The following NDUFA9 variants were observed in gnomAD, a reference collection of about 807,000 sequenced individuals.
The protein encoded by NDUFA9 is NADH:ubiquinone oxidoreductase subunit A9.
In NDUFA9, 23 loss-of-function variants were observed where a neutral mutation model predicts 45.9. That is an observed-to-expected ratio of 0.50 (90% CI 0.36 to 0.71). The LOEUF (loss-of-function observed/expected upper bound fraction) is 0.71, where lower values mean the gene tolerates loss of function less well. Ranked by LOEUF, NDUFA9 falls within the 30% of genes least tolerant of loss-of-function variation. The probability of loss-of-function intolerance (pLI) is 0.00; values close to 1 mark genes in which losing one functional copy is unlikely to be tolerated. For missense variants in NDUFA9, 466 were observed against 488.2 expected (o/e 0.95, Z 0.43); for synonymous variants, 176 against 170.5 (o/e 1.03, Z -0.25).
At chr12:4,678,410 A>T (rs1448051991) in intron 8 of NDUFA9, among the ~76,000 whole-genome samples, 5 of 152,134 alleles carry the variant, frequency 3.3e-5, no homozygotes, top group Non-Finnish European at 7.4e-5. Context: ...TACCTATGGC[A>T]TCAAAAGCCT....
At chr12:4,682,373 T>C in intron 9 of NDUFA9, 73 bp downstream of exon 9, 1 of 1,035,464 alleles carries the variant, frequency 9.7e-7, no homozygotes, top group Non-Finnish European at 1.4e-6. Context: ...TGTTCTCCCT[T>C]AGGGTTATAG....
intron 5 of NDUFA9, among the ~76,000 whole-genome samples, chr12:4,661,219 T>C (rs1945821448): frequency 6.6e-6 from 1 of 152,152 alleles, no homozygotes; most frequent in South Asian, 2.1e-4. Flanking sequence ...TTTGTAGATT[T>C]AGTGGTGAGA....
Position 4,692,154 on chromosome 12 carries a change from G to C in NDUFA9, c.*5046G>C, listed in dbSNP as rs1946021754. The C allele has an allele frequency of 6.6e-6, 1 of 152,164 alleles. No individual in the cohort carries two copies. Among genetic ancestry groups the C allele is most frequent in the South Asian group, 2.1e-4 (1 of 4,826 alleles). The allele number at this position is 152,164 out of a possible 1,614,324, so 9.4% of individuals were successfully genotyped here. On this transcript the variant is annotated 3_prime_UTR_variant, in exon 11 of 11. Coordinates refer to ENST00000266544, the MANE Select transcript of NDUFA9 (RefSeq NM_005002.5). ...GTCAGGTGCCTAATATTGGTGATGT[G>C]GTTTGGATGTCCCCACCCAAATCTC...
rs1025533985 is a variant in NDUFA9 at position 4,688,117 on chromosome 12, T to C, written c.*1009T>C. 1 of 152,260 alleles carries C rather than the reference T, an allele frequency of 6.6e-6. No individual in the cohort carries two copies. The highest frequency in any genetic ancestry group is 6.6e-5 in the Admixed American group (1 of 15,266). The allele number at this position is 152,260 out of a possible 1,614,324, so 9.4% of individuals were successfully genotyped here. ...TCAGAATCTTTTTATCCCAAAACGGTCAACAGTGAGCTACTCCAAGTGTGG... is the reference window on the plus strand; with the variant it reads ...TCAGAATCTTTTTATCCCAAAACGGCCAACAGTGAGCTACTCCAAGTGTGG... On this transcript the variant is annotated 3_prime_UTR_variant, in exon 11 of 11. Transcript: ENST00000266544.
At chr12:4,653,395 C>CA (rs1056213888) in intron 1 of NDUFA9, 4 of 281,126 alleles carry the variant, frequency 1.4e-5, no homozygotes, top group African/African-American at 9.1e-5. Context: ...TAGAATGGCT[C>CA]AAAGCAGAAT....
intron 8 of NDUFA9, among the ~76,000 whole-genome samples, chr12:4,675,946 C>A (rs776140496): frequency 1.3e-5 from 2 of 152,090 alleles, no homozygotes; most frequent in Non-Finnish European, 2.9e-5. Flanking sequence ...TTATCCAGCA[C>A]GATAAAGTTG....
In NDUFA9 at chr12:4,691,814, G is replaced by T. The variant is rs951953137; in HGVS notation, c.*4706G>T. The T allele has an allele frequency of 2.2e-4, 3 of 13,862 alleles. No homozygotes were observed. The highest frequency in any genetic ancestry group is 6.0e-4 in the East Asian group (1 of 1,676). 0.9% of individuals were successfully genotyped at this position (13,862 alleles called of 1,614,324 possible). On this transcript the variant is annotated 3_prime_UTR_variant, in exon 11 of 11. Coordinates refer to ENST00000266544, the MANE Select transcript of NDUFA9 (RefSeq NM_005002.5). ...ATGTGGATCCTGTGAGGGCCAGGAT[G>T]GGGGGGGGGGTCATGGGTCATCTGT...
chr12:4,659,190 T>C lies in NDUFA9; in HGVS notation c.552+13T>C. 6.2e-7 allele frequency: 1 copy of C among 1,603,022 alleles called. No individual in the cohort carries two copies. The highest frequency in any genetic ancestry group is 8.5e-7 in the Non-Finnish European group (1 of 1,171,802). On this transcript the variant is annotated intron_variant, in intron 5 of 10. Coordinates refer to ENST00000266544, the MANE Select transcript of NDUFA9 (RefSeq NM_005002.5). Reference sequence around the variant, plus strand: ...TTTGAGAAATAAGGTAAGTAACAAATTGATCTGGGAAGTGGTTCACAGAGC... The same window carrying C: ...TTTGAGAAATAAGGTAAGTAACAAACTGATCTGGGAAGTGGTTCACAGAGC...
At position 4,673,054 on chromosome 12, in the gene NDUFA9, G is replaced by A. The variant is rs539533964; in HGVS notation, c.800+3237G>A. 2.0e-5 allele frequency among the ~76,000 whole-genome samples: 3 copies of A among 152,344 alleles called. No individual in the cohort carries two copies. The South Asian group carries it at 6.2e-4, about 32-fold the overall frequency. ...GAAGGAACAGGCAACAATCTTTGCT[G>A]TTCTGCAGCCTCTGCTAGTGATACC... is the stretch of plus-strand genomic sequence containing the variant. On this transcript the variant is annotated intron_variant, in intron 8 of 10. Coordinates refer to ENST00000266544, the MANE Select transcript of NDUFA9 (RefSeq NM_005002.5).
intron 3 of NDUFA9, chr12:4,655,315 A>G (rs536998468): frequency 4.9e-4 from 90 of 183,592 alleles, no homozygotes; most frequent in Middle Eastern, 2.4e-3. Flanking sequence ...ACTATAGTTT[A>G]TCAATCCCTG....
chr12:4,651,817 A>C (rs1945761433), intron 1 of NDUFA9, among the ~76,000 whole-genome samples: 1 of 152,174 alleles, frequency 6.6e-6, no homozygotes, highest in Admixed American at 6.5e-5. Flanking sequence ...TTGTCGTAAA[A>C]AACATTGACC....
At chr12:4,673,406 A>G (rs1945899488) in intron 8 of NDUFA9, among the ~76,000 whole-genome samples, 1 of 152,096 alleles carries the variant, frequency 6.6e-6, no homozygotes, top group South Asian at 2.1e-4. Flanking sequence ...TTCTAACCCA[A>G]TGCAAGGAAG....
rs1946014429 is a variant in NDUFA9, at chr12:4,690,713, TAAA to T, written c.*3606_*3608del. On this transcript the variant is annotated 3_prime_UTR_variant, in exon 11 of 11. Coordinates refer to ENST00000266544, the MANE Select transcript of NDUFA9 (RefSeq NM_005002.5). The stretch of plus-strand genomic sequence containing the variant: ...AGACAGAGGGAGACTCTGTCTAAAA[TAAA>T]TAATAATAATAATAATAATAAAGGT... The T allele has an allele frequency of 6.6e-6, 1 of 151,020 alleles. No individual in the cohort carries two copies. The highest frequency in any genetic ancestry group is 6.6e-5 in the Admixed American group (1 of 15,182). The allele number at this position is 151,020 out of a possible 1,614,324, so 9.4% of individuals were successfully genotyped here.
At chr12:4,681,137 A>G (rs903574790) in intron 8 of NDUFA9, among the ~76,000 whole-genome samples, 1 of 152,152 alleles carries the variant, frequency 6.6e-6, no homozygotes, top group South Asian at 2.1e-4. Context: ...AAGGAACTTT[A>G]TAGTAAAAAA....
In NDUFA9 at chr12:4,663,054, T is replaced by C. The variant is rs1308048566; in HGVS notation, c.655+419T>C. Among the ~76,000 whole-genome samples, 3 of 152,212 alleles carry C rather than the reference T, an allele frequency of 2.0e-5. No homozygotes were observed. In the East Asian group the frequency reaches 5.8e-4, roughly 29 times the overall value. On this transcript the variant is annotated intron_variant, in intron 6 of 10. Transcript: ENST00000266544. ...TATAGTTTTGCCTTTTCCAGGATAT[T>C]ACATATATGGTTAGAATCATTGCAG...
intron 8 of NDUFA9, among the ~76,000 whole-genome samples, chr12:4,676,678 T>C (rs1462260932): frequency 6.6e-6 from 1 of 152,216 alleles, no homozygotes; most frequent in Non-Finnish European, 1.5e-5. Flanking sequence ...AAACATTCCA[T>C]GATCATGGAT....
At chr12:4,662,774 A>G (rs1181552461) in intron 6 of NDUFA9, 139 bp downstream of exon 6, 3 of 590,888 alleles carry the variant, frequency 5.1e-6, no homozygotes, top group African/African-American at 1.9e-5. Flanking sequence ...CCCTAAGTTT[A>G]TATTTTCATA....
chr12:4,658,362 T>C (rs1945803543), intron 4 of NDUFA9, among the ~76,000 whole-genome samples: 1 of 152,242 alleles, frequency 6.6e-6, no homozygotes, highest in Admixed American at 6.5e-5. Flanking sequence ...TTTTTTAATA[T>C]GTGTCTTCTC....
At chr12:4,674,583 A>G (rs1945907543) in intron 8 of NDUFA9, among the ~76,000 whole-genome samples, 1 of 152,246 alleles carries the variant, frequency 6.6e-6, no homozygotes, top group African/African-American at 2.4e-5. Context: ...AGGGCATTAC[A>G]TAATGGTAAA....
Sources: gnomAD v4.1 joint callset for allele counts (sites outside exome capture counted in the v4.1 genomes callset) on GRCh38, gnomAD v4.1.1 for gene constraint, MANE v1.5 for transcripts, NCBI Gene and HGNC (gene_info 2026-07-23, HGNC 2026-07-21) for gene names.